ADARB2: variants seen among roughly 807,000 people sequenced by gnomAD.
The protein encoded by ADARB2 is inactive double-stranded RNA-specific editase B2.
ADARB2 carries 25 observed loss-of-function variants against 62.2 expected under a neutral mutation model. The observed-to-expected ratio is 0.40, with a 90% CI of 0.29 to 0.56. ADARB2 has a LOEUF of 0.56. ADARB2 is among the 20% of genes least tolerant of loss of function. The pLI, the probability that ADARB2 is intolerant of heterozygous loss-of-function variation, is 0.43. For missense variants in ADARB2, 1,071 were observed against 1,077.4 expected, an observed-to-expected ratio of 0.99 and a Z score of 0.08; for synonymous variants, 572 against 500.8, an observed-to-expected ratio of 1.14 and a Z score of -1.90.
At chr10:1,731,162 T>A (rs918292843) in intron 1 of ADARB2, among the ~76,000 whole-genome samples, 1 of 152,178 alleles carries the variant, frequency 6.6e-6, no homozygotes, top group African/African-American at 2.4e-5. Context: ...GTTTCTAAGT[T>A]GCTAATATTT....
intron 1 of ADARB2, among the ~76,000 whole-genome samples, chr10:1,668,831 C>T (rs555749113): frequency 1.2e-4 from 19 of 152,244 alleles, no homozygotes; most frequent in African/African-American, 2.2e-4. Context: ...ACAGTCCTCC[C>T]GTTGTGCTGC....
At chr10:1,667,046 G>T (rs780924543) in intron 1 of ADARB2, among the ~76,000 whole-genome samples, 1 of 152,228 alleles carries the variant, frequency 6.6e-6, no homozygotes, top group African/African-American at 2.4e-5. Context: ...ATCTGTAACG[G>T]CAGTTGACTT....
At chr10:1,517,655 T>A (rs1329912951) in intron 1 of ADARB2, among the ~76,000 whole-genome samples, 1 of 152,248 alleles carries the variant, frequency 6.6e-6, no homozygotes, top group Non-Finnish European at 1.5e-5. Context: ...TTTGTCAGAA[T>A]ACTTACACAC....
intron 1 of ADARB2, among the ~76,000 whole-genome samples, chr10:1,478,023 C>T (rs1322040724): frequency 1.3e-5 from 2 of 152,152 alleles, no homozygotes; most frequent in Admixed American, 6.5e-5. Flanking sequence ...CTGTGAAAAA[C>T]CCGACTGCAG....
chr10:1,372,645 G>C (rs1193075137), intron 2 of ADARB2, among the ~76,000 whole-genome samples: 1 of 152,148 alleles, frequency 6.6e-6, no homozygotes, highest in African/African-American at 2.4e-5. Context: ...AGGTTTGAAG[G>C]GCCTGCATTA....
At chr10:1,480,231 G>A (rs1831449531) in intron 1 of ADARB2, among the ~76,000 whole-genome samples, 1 of 151,996 alleles carries the variant, frequency 6.6e-6, no homozygotes, top group African/African-American at 2.4e-5. Context: ...ATCCTACTTG[G>A]AAAAAAAGAA....
intron 1 of ADARB2, among the ~76,000 whole-genome samples, chr10:1,581,901 A>T (rs531237311): frequency 9.2e-5 from 14 of 151,804 alleles, no homozygotes; most frequent in African/African-American, 3.4e-4. Flanking sequence ...CACGCTGCCC[A>T]CACATGCTAA....
intron 3 of ADARB2, among the ~76,000 whole-genome samples, chr10:1,329,111 G>A (rs1286049672): frequency 1.3e-5 from 2 of 151,508 alleles, no homozygotes; most frequent in Non-Finnish European, 2.9e-5. Flanking sequence ...TCACACCCCA[G>A]TGTGGGCAGC....
intron 1 of ADARB2, among the ~76,000 whole-genome samples, chr10:1,630,360 G>A (rs1743223004): frequency 6.6e-6 from 1 of 152,136 alleles, no homozygotes; most frequent in African/African-American, 2.4e-5. Context: ...AGGGCATAAA[G>A]GGGTGGGGAG....
rs537042808 is a variant in ADARB2, at chr10:1,421,093, A to G, written c.101-41933T>C. On this transcript the variant is annotated intron_variant, in intron 1 of 9. Transcript: ENST00000381312. The stretch of plus-strand genomic sequence containing the variant: ...CCCGCCCTTCACCTCTGATCAGAGC[A>G]CTGATGTGAGTCAGGTCCCCAGGAT... Among the ~76,000 whole-genome samples the G allele has an allele frequency of 2.1e-4, 30 of 141,620 alleles. No individual in the cohort carries two copies. In the South Asian group the frequency reaches 7.5e-3, roughly 36 times the overall value. The allele number at this position is 141,620 out of a possible 152,430, so 92.9% of individuals were successfully genotyped here.
At chr10:1,505,078 G>A (rs1831822624) in intron 1 of ADARB2, among the ~76,000 whole-genome samples, 1 of 150,676 alleles carries the variant, frequency 6.6e-6, no homozygotes, top group Non-Finnish European at 1.5e-5. Flanking sequence ...ACACACGGAT[G>A]CACACAGGAC....
chr10:1,246,105 T>C (rs1489401135), intron 4 of ADARB2, among the ~76,000 whole-genome samples: 1 of 152,056 alleles, frequency 6.6e-6, no homozygotes, highest in Non-Finnish European at 1.5e-5. Flanking sequence ...TGAGCATTTT[T>C]TCATGTGTCT....
intron 1 of ADARB2, among the ~76,000 whole-genome samples, chr10:1,627,512 A>T (rs1833785971): frequency 2.0e-5 from 3 of 152,186 alleles, no homozygotes; most frequent in Non-Finnish European, 4.4e-5. Flanking sequence ...CACAGACCCC[A>T]TAATCAAAGT....
intron 1 of ADARB2, among the ~76,000 whole-genome samples, chr10:1,533,243 C>T (rs530209357): frequency 5.9e-5 from 9 of 151,510 alleles, no homozygotes; most frequent in African/African-American, 1.2e-4. Flanking sequence ...CTCAGCCTCC[C>T]GAGTAGCTGG....
chr10:1,206,542 C>T (rs1344257763), intron 7 of ADARB2, among the ~76,000 whole-genome samples: 1 of 152,148 alleles, frequency 6.6e-6, no homozygotes, highest in East Asian at 1.9e-4. Context: ...CCTCCTCGTG[C>T]CTGTGCGGTC....
At chr10:1,242,426 G>T in intron 4 of ADARB2, 127 bp from the exon 5 acceptor site, 1 of 1,265,472 alleles carries the variant, frequency 7.9e-7, no homozygotes, top group Non-Finnish European at 1.1e-6. Flanking sequence ...TGCGTTTTGA[G>T]AGCTGGGAAG....
chr10:1,449,554 A>G (rs534335011), intron 1 of ADARB2, among the ~76,000 whole-genome samples: 22 of 152,318 alleles, frequency 1.4e-4, no homozygotes, highest in African/African-American at 4.3e-4. Flanking sequence ...AGCTTCATAA[A>G]GTCTCCTGGA....
chr10:1,493,448 G>T (rs1831646273), intron 1 of ADARB2, among the ~76,000 whole-genome samples: 2 of 152,174 alleles, frequency 1.3e-5, no homozygotes, highest in Non-Finnish European at 2.9e-5. Context: ...TAAAGATTCA[G>T]AGGATAAAAT....
intron 1 of ADARB2, among the ~76,000 whole-genome samples, chr10:1,428,460 T>G (rs914846010): frequency 3.3e-5 from 5 of 151,616 alleles, no homozygotes; most frequent in Non-Finnish European, 7.4e-5. Context: ...CTAATTTTTT[T>G]GTATTTTTAG....
Sources: allele counts gnomAD v4.1 joint callset (sites outside exome capture counted in the v4.1 genomes callset), GRCh38; gene constraint gnomAD v4.1.1; transcripts MANE v1.5; gene names NCBI Gene and HGNC (gene_info 2026-07-23, HGNC 2026-07-21).